Variants in PTPRM observed in about 807,000 individuals in gnomAD.
The protein encoded by PTPRM is protein tyrosine phosphatase receptor type M, also known as receptor-type tyrosine-protein phosphatase mu.
Under a neutral mutation model 186.7 loss-of-function variants are expected in PTPRM, and 47 were observed. That is an observed-to-expected ratio of 0.25 (90% CI 0.20 to 0.32). PTPRM has a LOEUF of 0.32. Among genes scored for constraint, PTPRM ranks in the 10% least tolerant of loss-of-function variants. PTPRM has a pLI of 1.00. For missense variants in PTPRM, 1,494 were observed against 1,865.0 expected (o/e 0.80, Z 3.66); for synonymous variants, 668 against 674.9 (o/e 0.99, Z 0.16).
intron 5 of PTPRM, among the ~76,000 whole-genome samples, chr18:7,943,672 A>T (rs1279972310): frequency 6.6e-6 from 1 of 151,996 alleles, no homozygotes; most frequent in Admixed American, 6.6e-5. Flanking sequence ...CCTTTTCCAG[A>T]TTCTAGAAAC....
intron 7 of PTPRM, among the ~76,000 whole-genome samples, chr18:7,996,262 G>A (rs148033358): frequency 1.3e-3 from 192 of 151,632 alleles, no homozygotes; most frequent in African/African-American, 4.4e-3. Flanking sequence ...TACGCAAATC[G>A]ATGAATGTGA....
At chr18:8,009,438 G>T (rs761385390) in intron 7 of PTPRM, among the ~76,000 whole-genome samples, 1 of 152,008 alleles carries the variant, frequency 6.6e-6, no homozygotes, top group East Asian at 1.9e-4. Flanking sequence ...GGCCGAGCGC[G>T]GTGGCCCATG....
chr18:7,755,472 G>C (rs2041439185), intron 1 of PTPRM, among the ~76,000 whole-genome samples: 1 of 152,206 alleles, frequency 6.6e-6, no homozygotes, highest in South Asian at 2.1e-4. Context: ...CAGCAGAGGA[G>C]AGGGGCATGT....
intron 1 of PTPRM, among the ~76,000 whole-genome samples, chr18:7,620,451 A>G (rs1051664406): frequency 6.6e-6 from 1 of 152,136 alleles, no homozygotes; most frequent in Non-Finnish European, 1.5e-5. Flanking sequence ...AGATGAGGAC[A>G]ACTCTGTGTC....
intron 1 of PTPRM, among the ~76,000 whole-genome samples, chr18:7,578,503 T>C (rs201596477): frequency 6.6e-6 from 1 of 151,824 alleles, no homozygotes; most frequent in Non-Finnish European, 1.5e-5. Context: ...GCCCGGCTAA[T>C]TTTTTGTATT....
intron 1 of PTPRM, among the ~76,000 whole-genome samples, chr18:7,618,847 A>G (rs184992850): frequency 3.9e-5 from 6 of 152,322 alleles, no homozygotes; most frequent in Admixed American, 2.6e-4. Context: ...TTGGCTGGCA[A>G]TTTTGTGTGG....
chr18:8,041,382 T>A (rs2086679076), intron 7 of PTPRM, among the ~76,000 whole-genome samples: 1 of 152,072 alleles, frequency 6.6e-6, no homozygotes, highest in South Asian at 2.1e-4. Flanking sequence ...ACTTGACATT[T>A]GGTGGGGCTT....
At chr18:7,892,746 G>A (rs12606423) in intron 3 of PTPRM, among the ~76,000 whole-genome samples, 13,333 of 152,228 alleles carry the variant, frequency 0.088, 883 homozygotes, top group African/African-American at 0.17. Context: ...AGAAGTCCAA[G>A]ATCAGGGTGC....
chr18:8,295,584 C>T (rs985316370), intron 19 of PTPRM, among the ~76,000 whole-genome samples: 3 of 152,094 alleles, frequency 2.0e-5, no homozygotes, highest in East Asian at 1.9e-4. Context: ...ATGTGAGTAC[C>T]GTGGCAAAAA....
At chr18:8,163,182 G>A (rs2093262915) in intron 14 of PTPRM, among the ~76,000 whole-genome samples, 1 of 152,134 alleles carries the variant, frequency 6.6e-6, no homozygotes, top group Admixed American at 6.5e-5. Flanking sequence ...GCTGGTGCCT[G>A]GACTTAAACA....
At chr18:7,582,705 A>T (rs1275749127) in intron 1 of PTPRM, among the ~76,000 whole-genome samples, 1 of 152,236 alleles carries the variant, frequency 6.6e-6, no homozygotes, top group African/African-American at 2.4e-5. Flanking sequence ...GGTTGGAAGA[A>T]CTGCGTTCAA....
At chr18:8,328,181 C>A (rs567595762) in intron 22 of PTPRM, among the ~76,000 whole-genome samples, 1 of 152,280 alleles carries the variant, frequency 6.6e-6, no homozygotes, top group African/African-American at 2.4e-5. Context: ...GCTCAAAATT[C>A]CCCTTCAGGC....
intron 19 of PTPRM, among the ~76,000 whole-genome samples, chr18:8,264,866 A>C (rs973155633): frequency 6.6e-6 from 1 of 152,070 alleles, no homozygotes; most frequent in African/African-American, 2.4e-5. Flanking sequence ...ATTACTATCA[A>C]ACCCATTTTC....
chr18:8,240,182 C>T (rs141548005), intron 14 of PTPRM, among the ~76,000 whole-genome samples: 49 of 152,268 alleles, frequency 3.2e-4, no homozygotes, highest in African/African-American at 1.2e-3. Flanking sequence ...ACAATCCTAA[C>T]AGAGTCTCTT....
chr18:7,887,256 A>G (rs2048835001), intron 2 of PTPRM, among the ~76,000 whole-genome samples: 1 of 152,078 alleles, frequency 6.6e-6, no homozygotes, highest in African/African-American at 2.4e-5. Context: ...TCATATGGGG[A>G]AGGCTCAAGT....
intron 11 of PTPRM, among the ~76,000 whole-genome samples, chr18:8,108,247 A>G (rs2091607572): frequency 6.6e-6 from 1 of 152,166 alleles, no homozygotes; most frequent in Admixed American, 6.6e-5. Context: ...TTACAAATCA[A>G]GCCAAAAGTC....
intron 1 of PTPRM, among the ~76,000 whole-genome samples, chr18:7,706,682 C>T (rs565454857): frequency 7.0e-6 from 1 of 142,504 alleles, no homozygotes; most frequent in South Asian, 2.2e-4. Flanking sequence ...GGATTGGAAA[C>T]CAAGATTCTG....
At chr18:7,736,079 C>G (rs1430028688) in intron 1 of PTPRM, among the ~76,000 whole-genome samples, 1 of 152,070 alleles carries the variant, frequency 6.6e-6, no homozygotes, top group Non-Finnish European at 1.5e-5. Context: ...AAGGCTGTGT[C>G]ACAGGTCATG....
chr18:7,655,165 C>T (rs1452051046), intron 1 of PTPRM, among the ~76,000 whole-genome samples: 1 of 152,022 alleles, frequency 6.6e-6, no homozygotes, highest in Admixed American at 6.6e-5. Context: ...CTTTACTTAT[C>T]TTGTTTGTTA....
Sources: gnomAD v4.1 joint callset for allele counts (sites outside exome capture counted in the v4.1 genomes callset) on GRCh38, gnomAD v4.1.1 for gene constraint, MANE v1.5 for transcripts, NCBI Gene and HGNC (gene_info 2026-07-23, HGNC 2026-07-21) for gene names.